The following VPS13B variants were observed in gnomAD, a reference collection of about 807,000 sequenced individuals.
VPS13B encodes vacuolar protein sorting 13 homolog B.
A neutral mutation model predicts 426.4 loss-of-function variants in VPS13B; 285 were observed. The ratio of observed to expected loss-of-function variants is 0.67; its 90% CI spans 0.61 to 0.74. The LOEUF is 0.74. VPS13B is among the 30% of genes least tolerant of loss of function. The pLI is 0.00. For missense variants in VPS13B, 4,537 were observed against 4,782.6 expected, an observed-to-expected ratio of 0.95 and a Z score of 1.51; for synonymous variants, 1,676 against 1,676.4, an observed-to-expected ratio of 1.00 and a Z score of 0.01.
At chr8:99,599,841 G>A (rs1827201013) in intron 33 of VPS13B, among the ~76,000 whole-genome samples, 1 of 152,048 alleles carries the variant, frequency 6.6e-6, no homozygotes, top group East Asian at 1.9e-4. Context: ...TCGGACTTTA[G>A]CAAATGCCAC....
At chr8:99,822,811 C>A (rs1814454083) in intron 50 of VPS13B, among the ~76,000 whole-genome samples, 1 of 152,130 alleles carries the variant, frequency 6.6e-6, no homozygotes, top group South Asian at 2.1e-4. Context: ...TTTTAAAACA[C>A]AAGAATATAC....
intron 33 of VPS13B, among the ~76,000 whole-genome samples, chr8:99,614,471 T>C (rs1827992826): frequency 6.6e-6 from 1 of 151,972 alleles, no homozygotes; most frequent in Non-Finnish European, 1.5e-5. Context: ...GAGATGGGGT[T>C]TCTGCATGTT....
chr8:99,049,547 T>TG (rs1843418531), intron 3 of VPS13B, among the ~76,000 whole-genome samples: 1 of 150,678 alleles, frequency 6.6e-6, no homozygotes, highest in African/African-American at 2.4e-5. Flanking sequence ...TTCAATAGGT[T>TG]TTTTTTTTTT....
At chr8:99,093,742 G>A (rs1193366627) in intron 3 of VPS13B, among the ~76,000 whole-genome samples, 1 of 152,016 alleles carries the variant, frequency 6.6e-6, no homozygotes, top group South Asian at 2.1e-4. Context: ...GTATTCCATG[G>A]TGTATATGTG....
At chr8:99,552,201 C>T (rs1408140081) in intron 30 of VPS13B, among the ~76,000 whole-genome samples, 1 of 151,696 alleles carries the variant, frequency 6.6e-6, no homozygotes, top group African/African-American at 2.4e-5. Context: ...TTTTTAAAGT[C>T]TTGTTCCCTG....
chr8:99,717,253 G>A lies in VPS13B; in HGVS notation c.6537G>A (p.Leu2179=). ...KTSLKERSRI[L]IGPCCATANL... is the part of the protein sequence containing the mutation. ...GTCTCAAAGAAAGAAGCCGCATTCT[G>A]ATAGGACCATGTTGTGCTACTGCCA... Residue 2179 remains leucine (L), a synonymous_variant, in exon 37 of 62, where the codon CTG becomes CTA. Coordinates refer to ENST00000357162, the MANE Select transcript of VPS13B (RefSeq NM_152564.5). The A allele has an allele frequency of 6.2e-7, 1 of 1,613,904 alleles. No homozygotes were observed. The highest frequency in any genetic ancestry group is 8.5e-7 in the Non-Finnish European group (1 of 1,179,936).
chr8:99,753,291 C>T (rs996189051), intron 39 of VPS13B, among the ~76,000 whole-genome samples: 3 of 152,076 alleles, frequency 2.0e-5, no homozygotes, highest in African/African-American at 4.8e-5. Flanking sequence ...CTAAGGCTTA[C>T]GTTGGTTAGG....
chr8:99,351,429 A>AGTGTGTGTGTGT (rs751746920), intron 19 of VPS13B, among the ~76,000 whole-genome samples: 3 of 145,396 alleles, frequency 2.1e-5, no homozygotes, highest in African/African-American at 8.3e-5. Flanking sequence ...AGAGAGAGAG[A>AGTGTGTGTGTGT]GAGAGAGTGT....
intron 3 of VPS13B, among the ~76,000 whole-genome samples, chr8:99,049,307 G>A (rs1003136318): frequency 1.3e-5 from 2 of 151,180 alleles, no homozygotes; most frequent in Non-Finnish European, 2.9e-5. Context: ...TCCAGGATTT[G>A]TTTCAAGAGT....
rs112180299 is a variant in VPS13B, at chr8:99,498,860, C to T, written c.3871-2827C>T. Among the ~76,000 whole-genome samples, 296 of 152,252 alleles carry T rather than the reference C, an allele frequency of 1.9e-3. 1 individual carries two copies. Among genetic ancestry groups the T allele is most frequent in the African/African-American group, 5.2e-3 (218 of 41,548 alleles). On this transcript the variant is annotated intron_variant, in intron 25 of 61. Transcript: ENST00000357162. ...GTGGGAGCAAAGGTAGTTGAGACCA[C>T]AGCAGGCCACTTGTTACTGTTGACT...
At chr8:99,187,153 A>G (rs1427912512) in intron 16 of VPS13B, among the ~76,000 whole-genome samples, 1 of 152,138 alleles carries the variant, frequency 6.6e-6, no homozygotes, top group Non-Finnish European at 1.5e-5. Context: ...GTATTATAGG[A>G]GATATTCCAA....
chr8:99,223,471 A>T (rs1815844687), intron 17 of VPS13B, among the ~76,000 whole-genome samples: 1 of 152,174 alleles, frequency 6.6e-6, no homozygotes, highest in Admixed American at 6.5e-5. Context: ...TCCATTGTAC[A>T]AATGAGAATA....
At chr8:99,552,661 AAGG>A (rs1824345011) in intron 30 of VPS13B, among the ~76,000 whole-genome samples, 1 of 151,852 alleles carries the variant, frequency 6.6e-6, no homozygotes, top group African/African-American at 2.4e-5. Flanking sequence ...ACATGAGCAT[AAGG>A]AGAACTGTTG....
chr8:99,390,748 T>C (rs922647296), intron 20 of VPS13B, among the ~76,000 whole-genome samples: 7 of 152,196 alleles, frequency 4.6e-5, no homozygotes, highest in African/African-American at 1.2e-4. Flanking sequence ...AAACGCAACG[T>C]TTGATGATTG....
chr8:99,854,092 T>C lies in VPS13B; in HGVS notation c.10703T>C (p.Val3568Ala), dbSNP rs376964635. ...TTACGGAAACTGGTGATCCAGCCAG[T>C]AAATTTGCTCGTCAGCATCCACGCT... is the stretch of plus-strand genomic sequence containing the variant. Reference protein sequence around the residue: ...VKLRKLVIQPVNLLVSIHASL... With the variant: ...VKLRKLVIQPANLLVSIHASL... The change falls in exon 56 of 62, where the codon GTA becomes GCA. Residue 3568 changes from valine to alanine, a missense_variant. Physicochemically the swap from Val to Ala is moderately conservative, Grantham distance 64. Coordinates refer to ENST00000357162, the MANE Select transcript of VPS13B (RefSeq NM_152564.5). 1 of 1,612,828 alleles carries C rather than the reference T, an allele frequency of 6.2e-7. No homozygotes were observed. The highest frequency in any genetic ancestry group is 1.3e-5 in the African/African-American group (1 of 74,794).
rs915120404 is a variant in VPS13B at position 99,766,882 on chromosome 8, A to C, written c.7159A>C (p.Asn2387His). 1 of 1,613,970 alleles carries C rather than the reference A, an allele frequency of 6.2e-7. No homozygotes were observed. The highest frequency in any genetic ancestry group is 8.5e-7 in the Non-Finnish European group (1 of 1,179,992). The change falls in exon 40 of 62, where the codon AAT becomes CAT. Residue 2387 changes from asparagine to histidine, a missense_variant. Asn to His is a moderately conservative substitution (Grantham distance 68). Coordinates refer to ENST00000357162, the MANE Select transcript of VPS13B (RefSeq NM_152564.5). ...KVCELQLPDI[N>H]LVNDQKKLVS... The stretch of plus-strand genomic sequence containing the variant: ...TTGTGAACTGCAGTTGCCGGATATC[A>C]ATCTCGTGAATGACCAGAAGAAATT...
chr8:99,802,099 A>G lies in VPS13B; in HGVS notation c.7942-7276A>G, dbSNP rs1432337684. Among the ~76,000 whole-genome samples the G allele has an allele frequency of 3.9e-5, 6 of 152,080 alleles. No individual in the cohort carries two copies. In the East Asian group the frequency reaches 1.2e-3, roughly 29 times the overall value. ...CAGGAGGTTGAGGCTACAGTGAGTCATGATCGTGCCACTACACTCAAGTCT... is the reference window on the plus strand; with the variant it reads ...CAGGAGGTTGAGGCTACAGTGAGTCGTGATCGTGCCACTACACTCAAGTCT... On this transcript the variant is annotated intron_variant, in intron 43 of 61. Coordinates refer to ENST00000357162, the MANE Select transcript of VPS13B (RefSeq NM_152564.5).
intron 33 of VPS13B, among the ~76,000 whole-genome samples, chr8:99,578,793 A>G (rs1017015368): frequency 1.1e-4 from 16 of 152,220 alleles, no homozygotes; most frequent in African/African-American, 3.6e-4. Flanking sequence ...CTCCTGTCAA[A>G]GAAATCTAAC....
At chr8:99,273,017 TA>T (rs1818678546) in intron 17 of VPS13B, among the ~76,000 whole-genome samples, 1 of 152,170 alleles carries the variant, frequency 6.6e-6, no homozygotes, top group African/African-American at 2.4e-5. Context: ...ATAATACAAA[TA>T]TTCCAAAATT....
Sources: allele counts gnomAD v4.1 joint callset (sites outside exome capture counted in the v4.1 genomes callset), GRCh38; gene constraint gnomAD v4.1.1; transcripts MANE v1.5; gene names NCBI Gene and HGNC (gene_info 2026-07-23, HGNC 2026-07-21).